Variants in CRBN observed in about 807,000 individuals in gnomAD.
CRBN encodes cereblon, also known as protein cereblon.
In CRBN, 53 loss-of-function variants were observed where a neutral mutation model predicts 62.2. The observed-to-expected ratio is 0.85, with a 90% confidence interval of 0.68 to 1.07. The LOEUF is 1.07. Among genes scored for constraint, CRBN ranks in the 50% least tolerant of loss-of-function variants. The pLI, the probability that CRBN is intolerant of heterozygous loss-of-function variation, is 0.00. For synonymous variants in CRBN, 208 were observed against 176.1 expected, an observed-to-expected ratio of 1.18 and a Z score of -1.43; for missense variants, 616 against 531.1, an observed-to-expected ratio of 1.16 and a Z score of -1.57.
intron 10 of CRBN, among the ~76,000 whole-genome samples, chr3:3,152,187 G>C (rs1706608261): frequency 6.9e-6 from 1 of 144,610 alleles, no homozygotes; most frequent in Non-Finnish European, 1.5e-5. Flanking sequence ...TTCTCACTCT[G>C]TCACCCAGGC....
At chr3:3,169,018 C>A (rs530213881) in intron 4 of CRBN, among the ~76,000 whole-genome samples, 2 of 152,182 alleles carry the variant, frequency 1.3e-5, no homozygotes, top group Admixed American at 1.3e-4. Context: ...AAGTATATAC[C>A]ATCCTATAGA....
At chr3:3,167,385 A>G (rs1383214770) in intron 5 of CRBN, 3 of 368,844 alleles carry the variant, frequency 8.1e-6, no homozygotes, top group African/African-American at 4.2e-5. Flanking sequence ...AAAAATCAAA[A>G]GCGATTAATA....
At chr3:3,164,606 G>A (rs1707255738) in intron 5 of CRBN, among the ~76,000 whole-genome samples, 1 of 152,188 alleles carries the variant, frequency 6.6e-6, no homozygotes, top group South Asian at 2.1e-4. Context: ...CCGGATGACA[G>A]AACATCTGTT....
intron 10 of CRBN, among the ~76,000 whole-genome samples, chr3:3,151,348 A>C (rs1706535427): frequency 6.6e-6 from 1 of 151,946 alleles, no homozygotes; most frequent in South Asian, 2.1e-4. Flanking sequence ...CCACATTCTA[A>C]CTTGTACTGG....
chr3:3,170,809 CT>C (rs1356268728), intron 4 of CRBN, among the ~76,000 whole-genome samples: 2 of 151,910 alleles, frequency 1.3e-5, no homozygotes, highest in South Asian at 4.2e-4. Context: ...TGATGTTAAT[CT>C]TTTTTTTCCT....
chr3:3,153,499 T>A lies in CRBN; in HGVS notation c.952-11A>T. 2 of 1,523,470 alleles carry A rather than the reference T, an allele frequency of 1.3e-6. No homozygotes were observed. Among genetic ancestry groups the A allele is most frequent in the Non-Finnish European group, 9.1e-7 (1 of 1,097,816 alleles). 94.4% of individuals were successfully genotyped at this position (1,523,470 alleles called of 1,614,324 possible). A position where few individuals can be genotyped will look rare whatever the true frequency, so the allele number is the denominator to read the frequency against. On this transcript the variant is annotated splice_polypyrimidine_tract_variant and intron_variant, in intron 8 of 10. Transcript: ENST00000231948. ...GCAAAGGGAAGTACACTAAAAGATT[T>A]GAGAGAAAAATTATTGGTAGGAAAA...
chr3:3,178,024 A>C (rs886188321), intron 1 of CRBN, among the ~76,000 whole-genome samples: 39 of 152,242 alleles, frequency 2.6e-4, no homozygotes, highest in Admixed American at 1.5e-3. Context: ...AAACAAAAAA[A>C]AAACAAACAA....
intron 3 of CRBN, among the ~76,000 whole-genome samples, chr3:3,173,413 C>T (rs1707707698): frequency 1.3e-5 from 2 of 152,074 alleles, no homozygotes. Context: ...TCAGGAAGTA[C>T]AATTAGAGAA....
At chr3:3,170,532 A>G (rs1242721234) in intron 4 of CRBN, among the ~76,000 whole-genome samples, 4 of 152,176 alleles carry the variant, frequency 2.6e-5, no homozygotes, top group African/African-American at 9.7e-5. Context: ...TTGCTGTTTA[A>G]GCAAATTACT....
intron 5 of CRBN, among the ~76,000 whole-genome samples, chr3:3,161,229 C>T (rs1021634346): frequency 2.0e-5 from 3 of 152,046 alleles, no homozygotes; most frequent in Non-Finnish European, 4.4e-5. Flanking sequence ...ATAAAGCTTA[C>T]AAGGAACTCC....
rs1021621569 is a variant in CRBN, at chr3:3,167,713, T to C, written c.608A>G (p.Asn203Ser). The C allele has an allele frequency of 5.0e-6, 8 of 1,613,544 alleles. No homozygotes were observed. The highest frequency in any genetic ancestry group is 2.7e-5 in the African/African-American group (2 of 74,922). ...TTTTGAAGGAAATATCTGGCACTTA[T>C]TGAGGGATTCTAATTGAACTGCAGA... ...TMSAVQLESL[N>S]KCQIFPSKPV... Residue 203 changes from asparagine to serine, a missense_variant, in exon 5 of 11, where the codon AAT becomes AGT. Transcript: ENST00000231948.
intron 4 of CRBN, among the ~76,000 whole-genome samples, chr3:3,171,626 C>A (rs1415639693): frequency 6.6e-6 from 1 of 152,210 alleles, no homozygotes; most frequent in African/African-American, 2.4e-5. Flanking sequence ...GCAATCCCAT[C>A]TCACATGCCT....
At chr3:3,154,574 A>C in intron 7 of CRBN, 173 bp downstream of exon 7, 1 of 513,282 alleles carries the variant, frequency 1.9e-6, no homozygotes, top group Non-Finnish European at 3.4e-6. Flanking sequence ...TATTGCAATT[A>C]ATTTTAAAAT....
At position 3,150,985 on chromosome 3, in the gene CRBN, C is replaced by T. The variant is rs116847323; in HGVS notation, c.1209G>A (p.Thr403=). ...GAGGTGACATGTCTTTTTTGGTGGC[C>T]GTAAACTTCCATCCAATATGGCTTG... The part of the protein sequence containing the change: ...ICASHIGWKF[T]ATKKDMSPQK... Residue 403 remains threonine, a synonymous_variant, in exon 11 of 11, where the codon ACG becomes ACA. Coordinates refer to ENST00000231948, the MANE Select transcript of CRBN (RefSeq NM_016302.4). 1.3e-3 allele frequency: 2,118 copies of T among 1,613,938 alleles called. 28 individuals are homozygous for T. In the East Asian group the frequency reaches 0.031, roughly 24 times the overall value.
intron 1 of CRBN, among the ~76,000 whole-genome samples, chr3:3,175,514 C>G (rs1707796844): frequency 2.0e-5 from 3 of 151,966 alleles, no homozygotes; most frequent in Non-Finnish European, 4.4e-5. Context: ...AAAGATAGTA[C>G]AGAATGCTCC....
chr3:3,168,964 G>A (rs1707486115), intron 4 of CRBN, among the ~76,000 whole-genome samples: 1 of 152,088 alleles, frequency 6.6e-6, no homozygotes, highest in Non-Finnish European at 1.5e-5. Context: ...TTCTTCACCT[G>A]ATTCATGAAC....
intron 4 of CRBN, among the ~76,000 whole-genome samples, chr3:3,169,531 A>G (rs1707514369): frequency 6.6e-6 from 1 of 152,204 alleles, no homozygotes; most frequent in South Asian, 2.1e-4. Flanking sequence ...CCTTGTGACT[A>G]TCTTTAGAAT....
In CRBN at chr3:3,175,196, TATG is replaced by T. The variant is rs1707781565; in HGVS notation, c.138_140del (p.Ile47del). 3.1e-6 allele frequency: 5 copies of T among 1,613,618 alleles called. No individual in the cohort carries two copies. The East Asian group carries it at 1.1e-4, about 36-fold the overall frequency. ...ATGTCGGCAGACTGGTGTCAAAATTTATGATGTTTGGTTTTTTGGCTTCTTTAC... is the reference window on the plus strand; with the variant it reads ...ATGTCGGCAGACTGGTGTCAAAATTTATGTTTGGTTTTTTGGCTTCTTTAC... On this transcript the variant is annotated inframe_deletion, in exon 2 of 11. Coordinates refer to ENST00000231948, the MANE Select transcript of CRBN (RefSeq NM_016302.4).
chr3:3,174,298 G>A lies in CRBN; in HGVS notation c.175-37C>T, dbSNP rs531481645. ...CATATATAGGTATAGTGTCATGATC[G>A]ATATGTAATAAAAATGTAAGCTCAA... On this transcript the variant is annotated intron_variant, in intron 2 of 10. Coordinates refer to ENST00000231948, the MANE Select transcript of CRBN (RefSeq NM_016302.4). 43 of 1,467,882 alleles carry A rather than the reference G, an allele frequency of 2.9e-5. No individual in the cohort carries two copies. The Admixed American group carries it at 4.2e-4, about 14-fold the overall frequency. 90.9% of individuals were successfully genotyped at this position (1,467,882 alleles called of 1,614,324 possible).
Sources: allele counts gnomAD v4.1 joint callset (sites outside exome capture counted in the v4.1 genomes callset), GRCh38; gene constraint gnomAD v4.1.1; transcripts MANE v1.5; gene names NCBI Gene and HGNC (gene_info 2026-07-23, HGNC 2026-07-21).